The following PCDH15 variants were observed in gnomAD, a reference collection of about 807,000 sequenced individuals.
The protein encoded by PCDH15 is protocadherin-15.
Under a neutral mutation model 178.5 loss-of-function variants are expected in PCDH15, and 129 were observed. The observed-to-expected ratio is 0.72, with a 90% confidence interval of 0.63 to 0.84. The LOEUF (loss-of-function observed/expected upper bound fraction) is 0.84. Ranked by LOEUF, PCDH15 falls within the 40% of genes least tolerant of loss-of-function variation. PCDH15 has a pLI of 0.00. For synonymous variants in PCDH15, 800 were observed against 732.0 expected, an observed-to-expected ratio of 1.09 and a Z score of -1.50; for missense variants, 2,230 against 2,099.9, an observed-to-expected ratio of 1.06 and a Z score of -1.21.
At chr10:55,499,058 T>G (rs1401329426) in intron 2 of PCDH15, among the ~76,000 whole-genome samples, 1 of 151,842 alleles carries the variant, frequency 6.6e-6, no homozygotes, top group Non-Finnish European at 1.5e-5. Context: ...AGAAAATGTT[T>G]GACTTTTCCA....
intron 2 of PCDH15, among the ~76,000 whole-genome samples, chr10:54,904,437 G>A (rs1462261436): frequency 1.3e-5 from 2 of 151,268 alleles, no homozygotes; most frequent in Non-Finnish European, 2.9e-5. Context: ...TCCCTCCTAG[G>A]TCAACCTGGT....
chr10:54,220,790 A>T (rs2052698463), intron 9 of PCDH15, among the ~76,000 whole-genome samples: 1 of 151,760 alleles, frequency 6.6e-6, no homozygotes, highest in African/African-American at 2.4e-5. Flanking sequence ...GCGCCACTGC[A>T]CTCCAGCCTG....
At chr10:55,323,904 A>G (rs1843966987), upstream of PCDH15, among the ~76,000 whole-genome samples, 1 of 152,092 alleles carries the variant, frequency 6.6e-6, no homozygotes, top group Non-Finnish European at 1.5e-5. Flanking sequence ...CCTTACCCTA[A>G]TCTCACCTTG....
At chr10:55,459,739 A>G (rs1429339767) in intron 2 of PCDH15, among the ~76,000 whole-genome samples, 1 of 152,126 alleles carries the variant, frequency 6.6e-6, no homozygotes, top group Non-Finnish European at 1.5e-5. Flanking sequence ...GAAAACACTT[A>G]AGGTTTAGTC....
intron 2 of PCDH15, among the ~76,000 whole-genome samples, chr10:55,356,390 G>C (rs538476229): frequency 9.6e-4 from 146 of 151,908 alleles, no homozygotes; most frequent in African/African-American, 3.4e-3. Context: ...CACTATTTTT[G>C]CCTCAAACAG....
chr10:54,358,999 T>G lies in PCDH15; in HGVS notation c.474+10121A>C, dbSNP rs1945529464. ...ACACAGGAAGGGGAACATCACACTC[T>G]GGGGACTGTTGTGGGGTGGGGGGAG... On this transcript the variant is annotated intron_variant, in intron 5 of 37. Coordinates refer to ENST00000644397, the MANE Select transcript of PCDH15 (RefSeq NM_001384140.1). 3.0e-4 allele frequency among the ~76,000 whole-genome samples: 34 copies of G among 112,158 alleles called. No homozygotes were observed. The South Asian group carries it at 0.01, about 33-fold the overall frequency. 73.6% of individuals were successfully genotyped at this position (112,158 alleles called of 152,430 possible). A position where few individuals can be genotyped will look rare whatever the true frequency, so the allele number is the denominator to read the frequency against.
intron 1 of PCDH15, among the ~76,000 whole-genome samples, chr10:55,264,968 G>A (rs943161911): frequency 2.6e-5 from 4 of 152,148 alleles, no homozygotes; most frequent in Admixed American, 1.3e-4. Flanking sequence ...CTGTCTCAGG[G>A]AAGGCTGCAA....
chr10:55,536,448 G>A (rs1841579897), intron 2 of PCDH15, among the ~76,000 whole-genome samples: 1 of 151,942 alleles, frequency 6.6e-6, no homozygotes, highest in Non-Finnish European at 1.5e-5. Flanking sequence ...TAAATGTGAA[G>A]GTTTTCAAAT....
intron 2 of PCDH15, among the ~76,000 whole-genome samples, chr10:54,573,917 G>A (rs2090155152): frequency 6.6e-6 from 1 of 152,140 alleles, no homozygotes; most frequent in Admixed American, 6.6e-5. Flanking sequence ...TGTAGATTCT[G>A]GATATTAGCC....
At chr10:55,450,889 C>T (rs1325886853) in intron 2 of PCDH15, among the ~76,000 whole-genome samples, 5 of 149,018 alleles carry the variant, frequency 3.4e-5, no homozygotes, top group Non-Finnish European at 7.4e-5. Flanking sequence ...CCAGGTCTCT[C>T]AAATATGAAT....
chr10:55,389,586 A>C (rs1391086614), intron 2 of PCDH15, among the ~76,000 whole-genome samples: 4 of 152,174 alleles, frequency 2.6e-5, no homozygotes, highest in African/African-American at 7.2e-5. Flanking sequence ...CATATATCTC[A>C]TATTAAACTA....
intron 2 of PCDH15, among the ~76,000 whole-genome samples, chr10:55,088,802 C>T (rs571646904): frequency 3.9e-5 from 6 of 152,000 alleles, no homozygotes; most frequent in African/African-American, 1.2e-4. Flanking sequence ...AATATATTGA[C>T]CAAAAGAACT....
At chr10:55,090,781 C>CA (rs1391915482) in intron 2 of PCDH15, among the ~76,000 whole-genome samples, 2 of 151,970 alleles carry the variant, frequency 1.3e-5, no homozygotes, top group East Asian at 3.9e-4. Context: ...ATACTGCAGG[C>CA]AAAAAAGTTC....
At chr10:54,921,209 A>C (rs1837477965) in intron 2 of PCDH15, among the ~76,000 whole-genome samples, 1 of 152,212 alleles carries the variant, frequency 6.6e-6, no homozygotes, top group Non-Finnish European at 1.5e-5. Flanking sequence ...ATTTTTCAAC[A>C]TTATATAGAG....
intron 2 of PCDH15, among the ~76,000 whole-genome samples, chr10:54,541,489 ACT>A (rs1431689631): frequency 6.6e-6 from 1 of 152,042 alleles, no homozygotes; most frequent in African/African-American, 2.4e-5. Context: ...AAAATAAACA[ACT>A]CTTTTTTGAT....
intron 3 of PCDH15, chr10:54,452,533 C>G (rs2076544131): frequency 6.6e-6 from 1 of 152,006 alleles, no homozygotes; most frequent in Non-Finnish European, 1.5e-5. Flanking sequence ...TTTTGAAGAA[C>G]TGATATGTAC....
chr10:54,744,489 A>T (rs1945213382), intron 1 of PCDH15, among the ~76,000 whole-genome samples: 1 of 152,176 alleles, frequency 6.6e-6, no homozygotes, highest in African/African-American at 2.4e-5. Flanking sequence ...CAAGAACTAG[A>T]TACAGTTAAC....
intron 8 of PCDH15, among the ~76,000 whole-genome samples, chr10:54,267,100 C>G (rs1026038195): frequency 6.6e-6 from 1 of 151,780 alleles, no homozygotes; most frequent in Non-Finnish European, 1.5e-5. Flanking sequence ...GAACTTTATT[C>G]CTGGGATGCA....
chr10:54,991,125 T>C (rs1408855335), intron 2 of PCDH15, among the ~76,000 whole-genome samples: 1 of 152,198 alleles, frequency 6.6e-6, no homozygotes, highest in Non-Finnish European at 1.5e-5. Context: ...AAAGATACTT[T>C]GTAGTGAATG....
Sources: allele counts gnomAD v4.1 joint callset (sites outside exome capture counted in the v4.1 genomes callset), GRCh38; gene constraint gnomAD v4.1.1; transcripts MANE v1.5; gene names NCBI Gene and HGNC (gene_info 2026-07-23, HGNC 2026-07-21).